The following OLAH variants were observed in gnomAD, a reference collection of about 807,000 sequenced individuals.
The protein encoded by OLAH is S-acyl fatty acid synthase thioesterase, medium chain.
Under a neutral mutation model 27.8 loss-of-function variants are expected in OLAH, and 33 were observed. That is an observed-to-expected ratio of 1.19 (90% confidence interval 0.90 to 1.59). The LOEUF (loss-of-function observed/expected upper bound fraction) is 1.59, where lower values mean the gene tolerates loss of function less well. OLAH is among the 40% of genes most tolerant of loss of function. OLAH has a pLI of 0.00. For synonymous variants in OLAH, 120 were observed against 102.9 expected (o/e 1.17, Z -1.01); for missense variants, 359 against 310.8 (o/e 1.16, Z -1.17).
At chr10:15,068,320 T>G (rs561337621) in intron 6 of OLAH, among the ~76,000 whole-genome samples, 16 of 152,332 alleles carry the variant, frequency 1.1e-4, no homozygotes, top group African/African-American at 3.8e-4. Flanking sequence ...GTCTTATCTG[T>G]GTCTGATTCT....
intron 1 of OLAH, among the ~76,000 whole-genome samples, chr10:15,033,756 G>A (rs1843794745): frequency 6.6e-6 from 1 of 152,122 alleles, no homozygotes. Flanking sequence ...GGTGGAAGAG[G>A]AAAGGGCAAA....
chr10:15,070,401 T>C (rs371191064), intron 6 of OLAH, among the ~76,000 whole-genome samples: 3 of 152,250 alleles, frequency 2.0e-5, no homozygotes, highest in South Asian at 2.1e-4. Context: ...ACTAGACTTA[T>C]ACCTGCATAC....
intron 1 of OLAH, 112 bp downstream of exon 1, chr10:15,044,098 T>C (rs1339044262): frequency 6.6e-6 from 1 of 152,222 alleles, no homozygotes; most frequent in Non-Finnish European, 1.5e-5. Flanking sequence ...TCTGCGAATA[T>C]TGCTTTGTAA....
At position 15,061,724 on chromosome 10, in the gene OLAH, T is replaced by C; in HGVS notation, c.164T>C (p.Val55Ala). The C allele has an allele frequency of 6.2e-7, 1 of 1,605,634 alleles. No homozygotes were observed. Reference sequence around the variant, plus strand: ...TTCACTTGTGTTTCTCCATCTCCAGTGCACTCCTTAAGGCTTCCTGGAAGA... The same window carrying C: ...TTCACTTGTGTTTCTCCATCTCCAGCGCACTCCTTAAGGCTTCCTGGAAGA... The part of the protein sequence containing the change: ...WGQDTHDLLE[V>A]HSLRLPGRES... Residue 55 changes from valine to alanine, a missense_variant and splice_region_variant, in exon 4 of 8, where the codon GTG becomes GCG. Transcript: ENST00000378228.
At chr10:15,056,839 A>C (rs1247203740) in intron 3 of OLAH, 1 of 1,501,486 alleles carries the variant, frequency 6.7e-7, no homozygotes, top group African/African-American at 1.4e-5. Flanking sequence ...GCATCTCACC[A>C]TGTTGCCAAG....
Position 15,065,762 on chromosome 10 carries a change from C to G in OLAH, c.572+9C>G. ...ATTGTTAGAAGTTGCACGTAAGTAA[C>G]AGAAACAAGGTTTTTTCTTTTTTTG... On this transcript the variant is annotated intron_variant, in intron 6 of 7. Transcript: ENST00000378228. 1.3e-6 allele frequency: 2 copies of G among 1,584,392 alleles called. No individual in the cohort carries two copies. The highest frequency in any genetic ancestry group is 1.7e-6 in the Non-Finnish European group (2 of 1,168,340).
At chr10:15,038,290 G>C (rs1564524603) in intron 1 of OLAH, among the ~76,000 whole-genome samples, 1 of 152,206 alleles carries the variant, frequency 6.6e-6, no homozygotes, top group Non-Finnish European at 1.5e-5. Context: ...TAAGATGTTG[G>C]ACTGTGGACT....
At chr10:15,035,036 G>T (rs747804788) in intron 1 of OLAH, among the ~76,000 whole-genome samples, 2 of 152,008 alleles carry the variant, frequency 1.3e-5, no homozygotes, top group African/African-American at 2.4e-5. Flanking sequence ...TCCTGACGTC[G>T]TGATCCGCCC....
upstream of OLAH, among the ~76,000 whole-genome samples, chr10:15,039,198 T>C (rs890005960): frequency 1.3e-5 from 2 of 151,964 alleles, no homozygotes; most frequent in Non-Finnish European, 2.9e-5. Flanking sequence ...TGCACGCCAG[T>C]CTGAGTGACA....
At chr10:15,068,568 T>C (rs1844516397) in intron 6 of OLAH, among the ~76,000 whole-genome samples, 1 of 152,132 alleles carries the variant, frequency 6.6e-6, no homozygotes, top group African/African-American at 2.4e-5. Context: ...AATTTTTTTG[T>C]ATTTTTAGTA....
chr10:15,034,102 A>AT (rs374141373), intron 1 of OLAH, among the ~76,000 whole-genome samples: 117 of 60,772 alleles, frequency 1.9e-3, no homozygotes, highest in Middle Eastern at 0.013. Context: ...AGACTCCACC[A>AT]TTTTTTTTTT....
At chr10:15,064,260 T>A (rs1005486127) in intron 4 of OLAH, 143 bp from the exon 5 acceptor site, 2 of 609,170 alleles carry the variant, frequency 3.3e-6, no homozygotes, top group East Asian at 6.3e-5. Flanking sequence ...ACTGAAAAGA[T>A]AGACTTCTTA....
At chr10:15,034,809 T>TTTC (rs1254490231) in intron 1 of OLAH, among the ~76,000 whole-genome samples, 1 of 151,020 alleles carries the variant, frequency 6.6e-6, no homozygotes, top group African/African-American at 2.4e-5. Flanking sequence ...TCTTTCTTTT[T>TTTC]TTTTTTTTTT....
chr10:15,051,003 A>G (rs1297363601), intron 3 of OLAH, among the ~76,000 whole-genome samples: 3 of 151,340 alleles, frequency 2.0e-5, no homozygotes, highest in Non-Finnish European at 2.9e-5. Context: ...GATTTACAAT[A>G]TGCACTTTTT....
upstream of OLAH, among the ~76,000 whole-genome samples, chr10:15,040,535 C>A (rs1843903948): frequency 1.3e-5 from 2 of 152,142 alleles, no homozygotes; most frequent in African/African-American, 4.8e-5. Context: ...ACTCTAACCT[C>A]CTCTGCTTCA....
intron 3 of OLAH, among the ~76,000 whole-genome samples, chr10:15,052,143 C>T (rs899765188): frequency 2.5e-4 from 38 of 152,102 alleles, no homozygotes; most frequent in African/African-American, 7.2e-4. Context: ...ATTAACTGAG[C>T]GTAGTAGTGC....
At chr10:15,036,086 G>A (rs563302995) in intron 1 of OLAH, among the ~76,000 whole-genome samples, 1 of 152,276 alleles carries the variant, frequency 6.6e-6, no homozygotes, top group Admixed American at 6.5e-5. Flanking sequence ...TGCTAAGAAG[G>A]TCCTGGCCCA....
At chr10:15,045,632 A>C (rs1212343803) in intron 1 of OLAH, among the ~76,000 whole-genome samples, 1 of 152,180 alleles carries the variant, frequency 6.6e-6, no homozygotes, top group Non-Finnish European at 1.5e-5. Flanking sequence ...GTTCCTAAAA[A>C]TGCCCTCCAC....
At chr10:15,033,969 G>A (rs1171678373) in intron 1 of OLAH, among the ~76,000 whole-genome samples, 1 of 152,028 alleles carries the variant, frequency 6.6e-6, no homozygotes. Context: ...GAAGAAGGAG[G>A]GGGAGGGAAA....
Sources: gnomAD v4.1 joint callset for allele counts (sites outside exome capture counted in the v4.1 genomes callset) on GRCh38, gnomAD v4.1.1 for gene constraint, MANE v1.5 for transcripts, NCBI Gene and HGNC (gene_info 2026-07-23, HGNC 2026-07-21) for gene names.